The following NRXN3 variants were observed in gnomAD, a reference collection of about 807,000 sequenced individuals.
The protein encoded by NRXN3 is neurexin 3.
A neutral mutation model predicts 137.6 loss-of-function variants in NRXN3; 32 were observed. The ratio of observed to expected loss-of-function variants is 0.23; its 90% CI spans 0.18 to 0.31. The LOEUF (loss-of-function observed/expected upper bound fraction) is 0.31. Among genes scored for constraint, NRXN3 ranks in the 10% least tolerant of loss-of-function variants. The pLI, the probability that NRXN3 is intolerant of heterozygous loss-of-function variation, is 1.00. For synonymous variants in NRXN3, 798 were observed against 784.5 expected (o/e 1.02, Z -0.29); for missense variants, 1,574 against 2,062.5 (o/e 0.76, Z 4.59).
chr14:78,475,261 A>G (rs1371821603), intron 4 of NRXN3, among the ~76,000 whole-genome samples: 3 of 152,184 alleles, frequency 2.0e-5, no homozygotes, highest in East Asian at 3.9e-4. Flanking sequence ...TCTTAGAGGT[A>G]GGACCTATAT....
Position 78,652,045 on chromosome 14 carries a change from T to G in NRXN3, c.1221+719T>G, listed in dbSNP as rs12586657. Reference sequence around the variant, plus strand: ...CAAGGAACTAGATGAGTGCAAAGTTTGATTTTGTGATTTTGACCTGGCAAA... The same window carrying G: ...CAAGGAACTAGATGAGTGCAAAGTTGGATTTTGTGATTTTGACCTGGCAAA... On this transcript the variant is annotated intron_variant, in intron 6 of 20. Transcript: ENST00000335750. Among the ~76,000 whole-genome samples the G allele has an allele frequency of 4.5e-4, 68 of 152,340 alleles. No individual in the cohort carries two copies. In the East Asian group the frequency reaches 8.3e-3, roughly 19 times the overall value.
chr14:78,956,832 A>G (rs1444972318), intron 10 of NRXN3, among the ~76,000 whole-genome samples: 1 of 152,248 alleles, frequency 6.6e-6, no homozygotes, highest in East Asian at 1.9e-4. Flanking sequence ...CTGGTGTATC[A>G]TGCCAAATGG....
intron 8 of NRXN3, among the ~76,000 whole-genome samples, chr14:78,736,478 T>C (rs983363836): frequency 1.3e-5 from 2 of 152,228 alleles, no homozygotes; most frequent in East Asian, 3.8e-4. Context: ...CACCATTTTA[T>C]TGGGCATGTA....
intron 2 of NRXN3, among the ~76,000 whole-genome samples, chr14:78,245,646 A>G (rs994552973): frequency 1.3e-5 from 2 of 152,220 alleles, no homozygotes; most frequent in African/African-American, 2.4e-5. Context: ...AAAAATTAAA[A>G]CAAAATTTAT....
intron 6 of NRXN3, among the ~76,000 whole-genome samples, chr14:78,699,723 C>T (rs868681971): frequency 1.3e-5 from 2 of 152,164 alleles, no homozygotes; most frequent in Non-Finnish European, 2.9e-5. Context: ...AATTCCTCTG[C>T]TTTGTGACAT....
intron 15 of NRXN3, among the ~76,000 whole-genome samples, chr14:79,451,631 C>A (rs929273472): frequency 6.6e-6 from 1 of 152,128 alleles, no homozygotes; most frequent in Non-Finnish European, 1.5e-5. Flanking sequence ...GGCAGGTAGA[C>A]CTTTTGAGCT....
At chr14:78,829,533 GT>G (rs200960258) in intron 10 of NRXN3, among the ~76,000 whole-genome samples, 2,559 of 152,154 alleles carry the variant, frequency 0.017, 35 homozygotes, top group Non-Finnish European at 0.026. Flanking sequence ...TCAACTATTA[GT>G]TTCACTATGG....
At chr14:79,171,402 C>T (rs2061768682) in intron 15 of NRXN3, among the ~76,000 whole-genome samples, 1 of 151,986 alleles carries the variant, frequency 6.6e-6, no homozygotes, top group Non-Finnish European at 1.5e-5. Flanking sequence ...AAATGAGTGC[C>T]CAGAAATCTT....
At chr14:78,614,257 G>GC (rs1457159619) in intron 4 of NRXN3, among the ~76,000 whole-genome samples, 1 of 152,160 alleles carries the variant, frequency 6.6e-6, no homozygotes, top group Non-Finnish European at 1.5e-5. Flanking sequence ...GTCATATGTG[G>GC]CATGAGCTGG....
At chr14:79,460,479 C>T (rs774287003) in intron 15 of NRXN3, among the ~76,000 whole-genome samples, 2 of 151,972 alleles carry the variant, frequency 1.3e-5, no homozygotes, top group Non-Finnish European at 2.9e-5. Flanking sequence ...ACTTTGGCAT[C>T]GGGCAGAAAA....
At chr14:79,034,179 A>G (rs564951492) in intron 15 of NRXN3, among the ~76,000 whole-genome samples, 9 of 152,084 alleles carry the variant, frequency 5.9e-5, no homozygotes, top group Non-Finnish European at 1.2e-4. Flanking sequence ...CAAAGTTTGT[A>G]CTGAGTTCTC....
intron 16 of NRXN3, among the ~76,000 whole-genome samples, chr14:79,492,267 T>C (rs2096724341): frequency 6.6e-6 from 1 of 152,206 alleles, no homozygotes; most frequent in Admixed American, 6.5e-5. Flanking sequence ...ATTATATGTA[T>C]CAGTAAGTCA....
intron 4 of NRXN3, among the ~76,000 whole-genome samples, chr14:78,459,349 G>A (rs945264750): frequency 1.3e-5 from 2 of 152,158 alleles, no homozygotes; most frequent in African/African-American, 2.4e-5. Context: ...TGGAGATATT[G>A]GCAGAGCAAA....
intron 15 of NRXN3, among the ~76,000 whole-genome samples, chr14:79,416,093 G>A (rs73327802): frequency 0.015 from 2,216 of 152,136 alleles, 59 homozygotes; most frequent in African/African-American, 0.051. Context: ...AATCTGAAGC[G>A]AAACCAAATG....
intron 15 of NRXN3, among the ~76,000 whole-genome samples, chr14:79,259,414 A>G (rs142125170): frequency 6.6e-6 from 1 of 152,026 alleles, no homozygotes; most frequent in Non-Finnish European, 1.5e-5. Flanking sequence ...TTCTGTTGTC[A>G]GCATTTGTAG....
chr14:79,460,969 T>TTCAAAGTAGATAAAACAGATCATTCAC (rs1257947795), intron 15 of NRXN3, among the ~76,000 whole-genome samples: 5 of 152,206 alleles, frequency 3.3e-5, no homozygotes, highest in Non-Finnish European at 5.9e-5. Flanking sequence ...TTTCAAAAAA[T>TTCAAAGTAGATAAAACAGATCATTCAC]TCAAAGTAGA....
At chr14:78,363,590 G>A (rs990864540) in intron 4 of NRXN3, among the ~76,000 whole-genome samples, 1 of 152,106 alleles carries the variant, frequency 6.6e-6, no homozygotes, top group Admixed American at 6.6e-5. Context: ...CTTGAACTCA[G>A]CCCTGACTTC....
intron 4 of NRXN3, among the ~76,000 whole-genome samples, chr14:78,402,098 A>G (rs939525877): frequency 6.6e-5 from 10 of 152,338 alleles, no homozygotes; most frequent in African/African-American, 1.9e-4. Flanking sequence ...ATTGTGTGCT[A>G]TGCACCACTA....
chr14:78,625,118 G>A (rs2097444468), intron 4 of NRXN3, among the ~76,000 whole-genome samples: 1 of 152,180 alleles, frequency 6.6e-6, no homozygotes, highest in Non-Finnish European at 1.5e-5. Flanking sequence ...GGGATTACAG[G>A]CGTGAGCCAC....
Sources: gnomAD v4.1 joint callset for allele counts (sites outside exome capture counted in the v4.1 genomes callset) on GRCh38, gnomAD v4.1.1 for gene constraint, MANE v1.5 for transcripts, NCBI Gene and HGNC (gene_info 2026-07-23, HGNC 2026-07-21) for gene names.